Variants in ZMYND11 observed in about 807,000 individuals in gnomAD.
The protein encoded by ZMYND11 is zinc finger MYND domain-containing protein 11.
In ZMYND11, 9 loss-of-function variants were observed where a neutral mutation model predicts 84.9. The ratio of observed to expected loss-of-function variants is 0.11; its 90% CI spans 0.06 to 0.18. The LOEUF is 0.18. ZMYND11 is among the 10% of genes least tolerant of loss of function. ZMYND11 has a pLI of 1.00. For synonymous variants in ZMYND11, 250 were observed against 244.1 expected, an observed-to-expected ratio of 1.02 and a Z score of -0.23; for missense variants, 409 against 761.0, an observed-to-expected ratio of 0.54 and a Z score of 5.44.
At chr10:216,370 TTA>T (rs1182334727) in intron 3 of ZMYND11, among the ~76,000 whole-genome samples, 2 of 152,234 alleles carry the variant, frequency 1.3e-5, no homozygotes, top group Admixed American at 1.3e-4. Flanking sequence ...AAAATTATAG[TTA>T]TAATAGTTGT....
At chr10:154,448 C>T (rs944952092) in intron 1 of ZMYND11, among the ~76,000 whole-genome samples, 2 of 152,114 alleles carry the variant, frequency 1.3e-5, no homozygotes, top group African/African-American at 2.4e-5. Flanking sequence ...GATGTCGAGA[C>T]GGATGCCTGT....
At position 139,333 on chromosome 10, in the gene ZMYND11, T is replaced by G. The variant is rs1004484191; in HGVS notation, c.-20+3774T>G. Among the ~76,000 whole-genome samples the G allele has an allele frequency of 4.6e-5, 7 of 152,240 alleles. No homozygotes were observed. The East Asian group carries it at 1.3e-3, about 29-fold the overall frequency. ...TGAATAAAGGAAAACTGGTGTTTTCTCTTCATTAGATCTTCATTAAACCCT... is the reference window on the plus strand; with the variant it reads ...TGAATAAAGGAAAACTGGTGTTTTCGCTTCATTAGATCTTCATTAAACCCT... On this transcript the variant is annotated intron_variant, in intron 1 of 14. Coordinates refer to ENST00000381604, the MANE Select transcript of ZMYND11 (RefSeq NM_001370100.5).
chr10:234,998 G>GTT (rs201006568), intron 4 of ZMYND11, among the ~76,000 whole-genome samples: 477 of 152,106 alleles, frequency 3.1e-3, no homozygotes, highest in African/African-American at 0.011. Context: ...GTGTGTGTGT[G>GTT]TGTGTGTGTG....
At chr10:180,263 G>A in intron 2 of ZMYND11, 135 bp downstream of exon 2, 1 of 572,872 alleles carries the variant, frequency 1.7e-6, no homozygotes, top group Non-Finnish European at 3.0e-6. Context: ...CTTTGCAGGA[G>A]TATTATTAGA....
At chr10:189,958 C>T (rs557416883) in intron 2 of ZMYND11, among the ~76,000 whole-genome samples, 1 of 152,182 alleles carries the variant, frequency 6.6e-6, no homozygotes, top group East Asian at 1.9e-4. Flanking sequence ...AAAGCATAGA[C>T]TGTCTGGATC....
intron 1 of ZMYND11, among the ~76,000 whole-genome samples, chr10:142,836 C>T (rs1450051115): frequency 1.3e-5 from 2 of 152,116 alleles, no homozygotes; most frequent in African/African-American, 2.4e-5. Flanking sequence ...GCCAACTCAC[C>T]GGTAATGACA....
At chr10:189,854 T>G (rs140870672) in intron 2 of ZMYND11, among the ~76,000 whole-genome samples, 289 of 152,290 alleles carry the variant, frequency 1.9e-3, no homozygotes, top group African/African-American at 6.4e-3. Flanking sequence ...GAGGGGACAG[T>G]CACTGTGAGA....
intron 1 of ZMYND11, among the ~76,000 whole-genome samples, chr10:179,144 A>T (rs1234286756): frequency 6.6e-6 from 1 of 152,206 alleles, no homozygotes; most frequent in Non-Finnish European, 1.5e-5. Context: ...GCTAGGATTC[A>T]TGACAAACGC....
chr10:236,811 C>G, intron 4 of ZMYND11, 27 bp from the exon 5 acceptor site: 1 of 1,583,438 alleles, frequency 6.3e-7, no homozygotes, highest in East Asian at 2.3e-5. Flanking sequence ...GATTTTGTAC[C>G]TTTTTTTATT....
At chr10:181,661 G>T (rs1425891451) in intron 2 of ZMYND11, among the ~76,000 whole-genome samples, 1 of 152,012 alleles carries the variant, frequency 6.6e-6, no homozygotes, top group Non-Finnish European at 1.5e-5. Context: ...TAAGAGGGAA[G>T]AAAAAAGGAG....
At chr10:164,642 C>G (rs1843598006) in intron 1 of ZMYND11, among the ~76,000 whole-genome samples, 1 of 152,178 alleles carries the variant, frequency 6.6e-6, no homozygotes. Flanking sequence ...TTTGTCAAAT[C>G]CACACGTGGC....
chr10:221,471 G>T, intron 4 of ZMYND11, 115 bp downstream of exon 4: 2 of 992,878 alleles, frequency 2.0e-6, no homozygotes, highest in Non-Finnish European at 1.5e-6. Flanking sequence ...ACTGGAGGGT[G>T]GGGGTTATCT....
chr10:178,931 C>T (rs1194943330), intron 1 of ZMYND11, among the ~76,000 whole-genome samples: 1 of 152,140 alleles, frequency 6.6e-6, no homozygotes, highest in Non-Finnish European at 1.5e-5. Flanking sequence ...AAGGAGATTC[C>T]TGTGGCTGTC....
At chr10:187,507 G>A (rs1278801892) in intron 2 of ZMYND11, among the ~76,000 whole-genome samples, 7 of 152,034 alleles carry the variant, frequency 4.6e-5, no homozygotes, top group South Asian at 4.1e-4. Context: ...GGTGGCGGGC[G>A]CCTGTAGTCC....
intron 3 of ZMYND11, among the ~76,000 whole-genome samples, chr10:210,354 G>A (rs1944977426): frequency 6.6e-6 from 1 of 152,130 alleles, no homozygotes; most frequent in Non-Finnish European, 1.5e-5. Flanking sequence ...ATAAATATTA[G>A]CAAAAAATGT....
At chr10:136,413 A>G (rs143783786) in intron 1 of ZMYND11, among the ~76,000 whole-genome samples, 1 of 152,236 alleles carries the variant, frequency 6.6e-6, no homozygotes, top group African/African-American at 2.4e-5. Flanking sequence ...GCGGTGTCCT[A>G]TGCGGTGGGT....
At chr10:240,770 G>T (rs1345701969) in intron 8 of ZMYND11, 123 bp from the exon 9 acceptor site, 1 of 768,882 alleles carries the variant, frequency 1.3e-6, no homozygotes, top group Non-Finnish European at 2.0e-6. Context: ...AGGCTTAAAA[G>T]ATTAAGAAAC....
At chr10:133,518 A>G (rs1352514490), upstream of ZMYND11, among the ~76,000 whole-genome samples, 1 of 152,212 alleles carries the variant, frequency 6.6e-6, no homozygotes, top group African/African-American at 2.4e-5. Context: ...CCTACAAAGT[A>G]TAACTGGGAA....
chr10:165,824 T>C (rs1554763559), intron 1 of ZMYND11, among the ~76,000 whole-genome samples: 1 of 152,156 alleles, frequency 6.6e-6, no homozygotes, highest in African/African-American at 2.4e-5. Context: ...CTCTTCCTCA[T>C]TTTAAAACTT....
Sources: gnomAD v4.1 joint callset for allele counts (sites outside exome capture counted in the v4.1 genomes callset) on GRCh38, gnomAD v4.1.1 for gene constraint, MANE v1.5 for transcripts, NCBI Gene and HGNC (gene_info 2026-07-23, HGNC 2026-07-21) for gene names.